The following PTPRD variants were observed in gnomAD, a reference collection of about 807,000 sequenced individuals.
PTPRD encodes the protein receptor-type tyrosine-protein phosphatase delta.
A neutral mutation model predicts 214.5 loss-of-function variants in PTPRD; 34 were observed. That is an observed-to-expected ratio of 0.16 (90% CI 0.12 to 0.21). The LOEUF (loss-of-function observed/expected upper bound fraction) is 0.21, where lower values mean the gene tolerates loss of function less well. Among genes scored for constraint, PTPRD ranks in the 10% least tolerant of loss-of-function variants. The pLI, the probability that PTPRD is intolerant of heterozygous loss-of-function variation, is 1.00. For synonymous variants in PTPRD, 1,128 were observed against 845.7 expected, an observed-to-expected ratio of 1.33 and a Z score of -5.79; for missense variants, 2,545 against 2,398.7, an observed-to-expected ratio of 1.06 and a Z score of -1.27.
At chr9:8,700,620 G>C (rs1295971198) in intron 12 of PTPRD, 1 of 152,124 alleles carries the variant, frequency 6.6e-6, no homozygotes, top group Non-Finnish European at 1.5e-5. Context: ...GAATCCAGAA[G>C]CACACAAAAG....
At chr9:9,089,096 A>G (rs1244723165) in intron 10 of PTPRD, among the ~76,000 whole-genome samples, 3 of 152,140 alleles carry the variant, frequency 2.0e-5, no homozygotes, top group African/African-American at 7.2e-5. Context: ...AAAAGTCAAC[A>G]AAACCCTTTA....
chr9:9,519,550 A>C (rs2096915891), intron 8 of PTPRD, among the ~76,000 whole-genome samples: 1 of 152,044 alleles, frequency 6.6e-6, no homozygotes, highest in East Asian at 1.9e-4. Context: ...AGAATACAAA[A>C]GGATCGTATG....
chr9:8,448,162 A>G (rs1378153319), intron 34 of PTPRD, among the ~76,000 whole-genome samples: 1 of 151,846 alleles, frequency 6.6e-6, no homozygotes. Context: ...CCACCTCCAC[A>G]AAAATAAAAA....
intron 8 of PTPRD, among the ~76,000 whole-genome samples, chr9:9,421,962 C>G (rs894727058): frequency 3.3e-5 from 5 of 149,414 alleles, no homozygotes; most frequent in Non-Finnish European, 7.4e-5. Context: ...ATAACACAAA[C>G]AAAAACTGTA....
At chr9:9,446,964 G>A (rs967025361) in intron 8 of PTPRD, among the ~76,000 whole-genome samples, 3 of 152,048 alleles carry the variant, frequency 2.0e-5, no homozygotes, top group Non-Finnish European at 4.4e-5. Context: ...ACCACAATGA[G>A]GTAACATCTC....
At chr9:10,479,652 A>AATAAATACATAAATAC (rs66767934) in intron 2 of PTPRD, among the ~76,000 whole-genome samples, 47,240 of 124,084 alleles carry the variant, frequency 0.38, 8,025 homozygotes, top group South Asian at 0.5. Flanking sequence ...TAAATAAATA[A>AATAAATACATAAATAC]ATAAATAAAC....
At chr9:8,789,230 G>A (rs552348822) in intron 11 of PTPRD, among the ~76,000 whole-genome samples, 2 of 151,958 alleles carry the variant, frequency 1.3e-5, no homozygotes, top group South Asian at 4.2e-4. Context: ...TTCAGCATTT[G>A]GCCCAAAAGT....
intron 10 of PTPRD, among the ~76,000 whole-genome samples, chr9:9,164,805 G>T (rs571342968): frequency 2.0e-4 from 31 of 151,990 alleles, no homozygotes; most frequent in Admixed American, 9.2e-4. Context: ...CTGAGGTCAG[G>T]AGTTCGTGAC....
At chr9:9,195,171 C>G (rs2099937764) in intron 9 of PTPRD, among the ~76,000 whole-genome samples, 1 of 150,432 alleles carries the variant, frequency 6.6e-6, no homozygotes, top group South Asian at 2.1e-4. Flanking sequence ...AATTGTTAAG[C>G]TGACATGGTG....
intron 5 of PTPRD, among the ~76,000 whole-genome samples, chr9:9,787,365 T>A (rs2098932621): frequency 6.9e-6 from 1 of 145,982 alleles, no homozygotes; most frequent in East Asian, 2.0e-4. Context: ...TATGATGACA[T>A]ATAACGCATT....
In PTPRD at chr9:8,314,819, CATT is replaced by C. The variant is rs1169517185; in HGVS notation, c.*3052_*3054del. 4.3e-6 allele frequency: 1 copy of C among 232,038 alleles called. No individual in the cohort carries two copies. Among genetic ancestry groups the C allele is most frequent in the Non-Finnish European group, 8.5e-6 (1 of 117,240 alleles). 14.4% of individuals were successfully genotyped at this position (232,038 alleles called of 1,614,324 possible). A position where few individuals can be genotyped will look rare whatever the true frequency, so the allele number is the denominator to read the frequency against. ...TCTTACAGATGGGTTCAAGTAATAT[CATT>C]ATTGGGTGTAGAATCAATAGGGCAG... On this transcript the variant is annotated 3_prime_UTR_variant, in exon 46 of 46. Coordinates refer to ENST00000381196, the MANE Select transcript of PTPRD (RefSeq NM_002839.4).
intron 2 of PTPRD, among the ~76,000 whole-genome samples, chr9:10,517,887 G>A (rs562672295): frequency 6.6e-6 from 1 of 152,204 alleles, no homozygotes; most frequent in South Asian, 2.1e-4. Flanking sequence ...CAATGAAAAT[G>A]AATAATTTTA....
At chr9:10,247,894 C>T (rs2092343293) in intron 3 of PTPRD, among the ~76,000 whole-genome samples, 1 of 152,004 alleles carries the variant, frequency 6.6e-6, no homozygotes, top group South Asian at 2.1e-4. Flanking sequence ...CTTGTAGCTC[C>T]CATAATTCCT....
intron 9 of PTPRD, among the ~76,000 whole-genome samples, chr9:9,330,456 T>A (rs1417316436): frequency 1.3e-5 from 2 of 152,104 alleles, no homozygotes; most frequent in Admixed American, 6.6e-5. Flanking sequence ...ATAATTGAAA[T>A]TATGACTTCC....
At chr9:9,977,081 T>C (rs2095383251) in intron 4 of PTPRD, among the ~76,000 whole-genome samples, 1 of 152,126 alleles carries the variant, frequency 6.6e-6, no homozygotes, top group Admixed American at 6.6e-5. Flanking sequence ...ATATATAAAA[T>C]TCAGATGTCA....
intron 9 of PTPRD, among the ~76,000 whole-genome samples, chr9:9,371,967 G>A (rs2059630437): frequency 6.6e-6 from 1 of 152,122 alleles, no homozygotes; most frequent in Non-Finnish European, 1.5e-5. Flanking sequence ...ATTGCACTGT[G>A]GTCTGAGAGA....
intron 8 of PTPRD, among the ~76,000 whole-genome samples, chr9:9,516,066 C>A (rs139894448): frequency 1.1e-4 from 17 of 152,210 alleles, no homozygotes; most frequent in East Asian, 9.7e-4. Flanking sequence ...TTTTGCTTAA[C>A]CTTCAAGTTC....
At chr9:8,467,783 T>TA (rs59554370) in intron 31 of PTPRD, among the ~76,000 whole-genome samples, 27,907 of 151,562 alleles carry the variant, frequency 0.18, 2,620 homozygotes, top group East Asian at 0.23. Flanking sequence ...ATATGCTAAT[T>TA]AAAAAAAATC....
At chr9:10,337,329 G>A (rs917740557) in intron 3 of PTPRD, among the ~76,000 whole-genome samples, 2 of 151,626 alleles carry the variant, frequency 1.3e-5, no homozygotes, top group Admixed American at 6.6e-5. Context: ...ACAAGATACA[G>A]ATATGCTATT....
Sources: gnomAD v4.1 joint callset for allele counts (sites outside exome capture counted in the v4.1 genomes callset) on GRCh38, gnomAD v4.1.1 for gene constraint, MANE v1.5 for transcripts, NCBI Gene and HGNC (gene_info 2026-07-23, HGNC 2026-07-21) for gene names.